Variants in UBE2F observed in about 807,000 individuals in gnomAD.
UBE2F encodes the protein NEDD8-conjugating enzyme UBE2F.
UBE2F carries 5 observed loss-of-function variants against 29.6 expected under a neutral mutation model. The observed-to-expected ratio is 0.17, with a 90% CI of 0.09 to 0.36. The LOEUF is 0.36. Ranked by LOEUF, UBE2F falls within the 10% of genes least tolerant of loss-of-function variation. UBE2F has a pLI of 1.00. For missense variants in UBE2F, 141 were observed against 228.5 expected (o/e 0.62, Z 2.47); for synonymous variants, 66 against 81.8 (o/e 0.81, Z 1.04).
In UBE2F at chr2:238,021,552, A is replaced by G. The variant is rs997308366; in HGVS notation, c.283-3790A>G. 3.3e-5 allele frequency among the ~76,000 whole-genome samples: 5 copies of G among 152,330 alleles called. No individual in the cohort carries two copies. The South Asian group carries it at 6.2e-4, about 19-fold the overall frequency. On this transcript the variant is annotated intron_variant, in intron 5 of 9. Coordinates refer to ENST00000272930, the MANE Select transcript of UBE2F (RefSeq NM_080678.3). ...TCCCGTCATAATATGATGGACGTACACATTCATGTCAGTCAATGCACAATT... is the reference window on the plus strand; with the variant it reads ...TCCCGTCATAATATGATGGACGTACGCATTCATGTCAGTCAATGCACAATT...
At chr2:237,999,753 T>C (rs1302915857) in intron 4 of UBE2F, among the ~76,000 whole-genome samples, 4 of 152,184 alleles carry the variant, frequency 2.6e-5, no homozygotes, top group African/African-American at 9.7e-5. Context: ...CCACACTGTT[T>C]TAATTGTCGT....
intron 4 of UBE2F, among the ~76,000 whole-genome samples, chr2:238,002,216 C>T (rs1013472429): frequency 5.0e-5 from 7 of 139,924 alleles, no homozygotes. Flanking sequence ...AGGCATGCGC[C>T]ACCACACCCA....
intron 1 of UBE2F, 84 bp from the exon 2 acceptor site, chr2:237,973,008 C>T: frequency 7.0e-7 from 1 of 1,425,412 alleles, no homozygotes; most frequent in South Asian, 1.5e-5. Flanking sequence ...AATCAAAATA[C>T]AAAAGCACTT....
At chr2:237,991,609 C>CTTTCTTTCTTTTTTTTTTTTTTTTT (rs57180067) in intron 3 of UBE2F, among the ~76,000 whole-genome samples, 10 of 53,052 alleles carry the variant, frequency 1.9e-4, no homozygotes, top group Non-Finnish European at 3.1e-4. Context: ...TTCTTTCTTT[C>CTTTCTTTCTTTTTTTTTTTTTTTTT]TTTTTTTTTT....
intron 5 of UBE2F, among the ~76,000 whole-genome samples, chr2:238,017,352 G>T (rs1385325941): frequency 1.3e-5 from 2 of 152,186 alleles, no homozygotes; most frequent in Admixed American, 6.5e-5. Flanking sequence ...CCAGGGGAGG[G>T]TATTCTAGGT....
At chr2:237,975,327 C>G (rs1318329038) in intron 2 of UBE2F, among the ~76,000 whole-genome samples, 2 of 151,986 alleles carry the variant, frequency 1.3e-5, no homozygotes, top group Non-Finnish European at 2.9e-5. Context: ...CCAGGCTGGT[C>G]TTGAACTCCT....
chr2:238,005,243 T>G (rs922180540), intron 4 of UBE2F, among the ~76,000 whole-genome samples: 1 of 152,200 alleles, frequency 6.6e-6, no homozygotes, highest in African/African-American at 2.4e-5. Context: ...TTGCCCCAGC[T>G]GGAATGCAGT....
intron 8 of UBE2F, among the ~76,000 whole-genome samples, chr2:238,034,733 T>A (rs547226778): frequency 1.3e-5 from 2 of 152,216 alleles, no homozygotes; most frequent in Non-Finnish European, 2.9e-5. Flanking sequence ...TTTTGTAACA[T>A]TTTAATGGTC....
chr2:237,972,547 T>C, intron 1 of UBE2F, among the ~76,000 whole-genome samples: 1 of 129,378 alleles, frequency 7.7e-6, no homozygotes, highest in African/African-American at 2.9e-5. Flanking sequence ...TTAAATTTTT[T>C]TTTTTTTTTT....
chr2:238,016,763 A>G (rs1576626628), intron 5 of UBE2F, 130 bp downstream of exon 5: 1 of 704,482 alleles, frequency 1.4e-6, no homozygotes, highest in Non-Finnish European at 2.4e-6. Flanking sequence ...TACTCACTTC[A>G]GTATTTTTGT....
chr2:238,029,089 T>G (rs1158161038), intron 6 of UBE2F: 1 of 152,086 alleles, frequency 6.6e-6, no homozygotes, highest in Non-Finnish European at 1.5e-5. Flanking sequence ...CATGAGAGTA[T>G]ATGGTGTGCC....
At chr2:238,003,790 T>C (rs2063845640) in intron 4 of UBE2F, among the ~76,000 whole-genome samples, 1 of 152,170 alleles carries the variant, frequency 6.6e-6, no homozygotes, top group Admixed American at 6.5e-5. Context: ...ATACAGTAAG[T>C]TTGCCATTCT....
intron 4 of UBE2F, among the ~76,000 whole-genome samples, chr2:237,999,388 A>T (rs1179149079): frequency 6.6e-6 from 1 of 152,072 alleles, no homozygotes; most frequent in African/African-American, 2.4e-5. Flanking sequence ...AATTTTTATG[A>T]TGTGCAGTTT....
chr2:237,972,543 T>TATTA (rs1333144532), intron 1 of UBE2F, among the ~76,000 whole-genome samples: 1 of 3,164 alleles, frequency 3.2e-4, no homozygotes. Context: ...AATTTTAAAT[T>TATTA]TTTTTTTTTT....
Position 237,973,184 on chromosome 2 carries a change from C to T in UBE2F, c.77C>T (p.Ser26Leu), listed in dbSNP as rs369725264. 14 of 1,613,854 alleles carry T rather than the reference C, an allele frequency of 8.7e-6. No homozygotes were observed. The African/African-American group carries it at 1.2e-4, about 14-fold the overall frequency. ...CGGACGGCAGCCACAGCGTCCGACT[C>T]GACTCGGAGGGTTTCTGTGAGAGAC... ...GSRTAATASD[S>L]TRRVSVRDKL... Residue 26 changes from serine (S) to leucine (L), a missense_variant, in exon 2 of 10, where the codon TCG becomes TTG. Ser to Leu is a moderately radical substitution (Grantham distance 145). Transcript: ENST00000272930.
rs565873406 is a variant in UBE2F, at chr2:237,999,677, T to C, written c.214+4868T>C. On this transcript the variant is annotated intron_variant, in intron 4 of 9. Coordinates refer to ENST00000272930, the MANE Select transcript of UBE2F (RefSeq NM_080678.3). ...GCTTGACCAAACAGCATTGACTGTA[T>C]ATGTGTAGTTCTGCTTTTTGGACTT... 6.6e-5 allele frequency among the ~76,000 whole-genome samples: 10 copies of C among 152,364 alleles called. No homozygotes were observed. The South Asian group carries it at 2.1e-3, about 32-fold the overall frequency.
chr2:237,990,786 T>C (rs1372665447), intron 3 of UBE2F, among the ~76,000 whole-genome samples: 1 of 151,074 alleles, frequency 6.6e-6, no homozygotes, highest in Non-Finnish European at 1.5e-5. Context: ...ATAAAATTAT[T>C]ATTATTTTTT....
chr2:237,984,357 C>A (rs1026219814), intron 2 of UBE2F, among the ~76,000 whole-genome samples: 1 of 152,200 alleles, frequency 6.6e-6, no homozygotes, highest in East Asian at 1.9e-4. Flanking sequence ...GCTCCCTCCA[C>A]GCTCCTGTTT....
At chr2:237,980,072 G>T (rs1211303357) in intron 2 of UBE2F, among the ~76,000 whole-genome samples, 1 of 152,246 alleles carries the variant, frequency 6.6e-6, no homozygotes, top group Non-Finnish European at 1.5e-5. Flanking sequence ...AAGGCAGTGG[G>T]AAGCTAAGAA....
Sources: allele counts gnomAD v4.1 joint callset (sites outside exome capture counted in the v4.1 genomes callset), GRCh38; gene constraint gnomAD v4.1.1; transcripts MANE v1.5; gene names NCBI Gene and HGNC (gene_info 2026-07-23, HGNC 2026-07-21).